GGTA1: variants seen among roughly 807,000 people sequenced by gnomAD.
GGTA1 encodes inactive N-acetyllactosaminide alpha-1,3-galactosyltransferase.
GGTA1 carries 5 observed loss-of-function variants against 2.6 expected under a neutral mutation model. The observed-to-expected ratio is 1.92, with a 90% CI of 1.00 to 4.04. GGTA1 has a LOEUF of 4.04. Ranked by LOEUF, GGTA1 falls within the 30% of genes most tolerant of loss-of-function variation. The pLI, the probability that GGTA1 is intolerant of heterozygous loss-of-function variation, is 0.00. For synonymous variants in GGTA1, 17 were observed against 5.0 expected (o/e 3.38, Z -3.19); for missense variants, 50 against 16.7 (o/e 2.99, Z -3.47).
intron 5 of GGTA1, among the ~76,000 whole-genome samples, chr9:121,456,264 G>C (rs891642723): frequency 6.6e-6 from 1 of 152,202 alleles, no homozygotes; most frequent in African/African-American, 2.4e-5. Context: ...GCAATGGTGT[G>C]ATGCCAGTGT....
intron 4 of GGTA1, among the ~76,000 whole-genome samples, chr9:121,460,838 T>C (rs2064954856): frequency 6.6e-6 from 1 of 151,350 alleles, no homozygotes; most frequent in Non-Finnish European, 1.5e-5. Context: ...AGAGCAAAAC[T>C]GCATCTCAAA....
intron 1 of GGTA1, among the ~76,000 whole-genome samples, chr9:121,488,553 C>A (rs10760177): frequency 0.96 from 145,507 of 152,160 alleles, 69,922 homozygotes; most frequent in Non-Finnish European, 0.99. Flanking sequence ...TGTCTTGGCT[C>A]ATATAAATAC....
At chr9:121,463,167 C>G (rs2064974611) in intron 3 of GGTA1, 126 bp downstream of exon 3, 1 of 421,008 alleles carries the variant, frequency 2.4e-6, no homozygotes, top group Admixed American at 3.3e-5. Context: ...CCCAGGAATC[C>G]ACCCACCCAC....
chr9:121,499,117 T>C (rs1400097662), intron 1 of GGTA1, among the ~76,000 whole-genome samples: 1 of 151,894 alleles, frequency 6.6e-6, no homozygotes, highest in Non-Finnish European at 1.5e-5. Context: ...AGTCCTCGGC[T>C]CTCCGAAGCT....
At chr9:121,453,818 G>A (rs116028108), downstream of GGTA1, among the ~76,000 whole-genome samples, 173 of 152,252 alleles carry the variant, frequency 1.1e-3, no homozygotes, top group African/African-American at 3.9e-3. Context: ...TTCCCACAGC[G>A]AGGCTGATAG....
chr9:121,466,772 G>A (rs2065007655), intron 2 of GGTA1, among the ~76,000 whole-genome samples: 1 of 152,078 alleles, frequency 6.6e-6, no homozygotes, highest in African/African-American at 2.4e-5. Context: ...GGCCAACATG[G>A]TGAAACCCTG....
downstream of GGTA1, among the ~76,000 whole-genome samples, chr9:121,452,701 T>G (rs955480898): frequency 6.6e-6 from 1 of 151,912 alleles, no homozygotes; most frequent in Admixed American, 6.6e-5. Flanking sequence ...GTAATTTTAG[T>G]AGAGATGGGG....
At chr9:121,447,918 C>T (rs2064859675) in intron 7 of GGTA1, among the ~76,000 whole-genome samples, 1 of 152,134 alleles carries the variant, frequency 6.6e-6, no homozygotes, top group Non-Finnish European at 1.5e-5. Flanking sequence ...ACTACCCTAT[C>T]CTTCCTCTCC....
At chr9:121,468,770 G>A (rs1251872447) in intron 1 of GGTA1, among the ~76,000 whole-genome samples, 1 of 152,218 alleles carries the variant, frequency 6.6e-6, no homozygotes, top group Non-Finnish European at 1.5e-5. Flanking sequence ...ATTGGCAAGG[G>A]TGCTAAGGCC....
chr9:121,471,311 C>T (rs1828384395), intron 1 of GGTA1, among the ~76,000 whole-genome samples: 1 of 152,146 alleles, frequency 6.6e-6, no homozygotes. Flanking sequence ...GCTCTGCCTC[C>T]GGTATCAGTT....
In GGTA1 at chr9:121,481,314, T is replaced by C. The variant is rs1184316016; in HGVS notation, c.-9-13383A>G. Among the ~76,000 whole-genome samples, 49 of 152,058 alleles carry C rather than the reference T, an allele frequency of 3.2e-4. 1 individual carries two copies. Among genetic ancestry groups the C allele is most frequent in the Admixed American group, 3.2e-3 (49 of 15,254 alleles). Reference sequence around the variant, plus strand: ...ACAGCTACTCACGTCAAGGAAAATCTCACACACACAGCACTGAGTGAAAGA... The same window carrying C: ...ACAGCTACTCACGTCAAGGAAAATCCCACACACACAGCACTGAGTGAAAGA... On this transcript the variant is annotated intron_variant, in intron 1 of 5. Coordinates refer to ENST00000481799, the MANE Select transcript of GGTA1 (RefSeq NM_001382585.1).
At chr9:121,456,423 TC>T (rs2064911755) in intron 5 of GGTA1, among the ~76,000 whole-genome samples, 1 of 152,038 alleles carries the variant, frequency 6.6e-6, no homozygotes, top group African/African-American at 2.4e-5. Context: ...GAGTTAAAAT[TC>T]TTTTTTTTTT....
chr9:121,499,144 T>C lies in GGTA1; in HGVS notation c.-10+506A>G, dbSNP rs570451057. On this transcript the variant is annotated intron_variant, in intron 1 of 5. Transcript: ENST00000481799. ...TCCGAAGCTCTCTGACATCTCCCTC[T>C]CTATTCCCTTCCTCCTTGGGGTTCC... is the stretch of plus-strand genomic sequence containing the variant. Among the ~76,000 whole-genome samples, 113 of 152,018 alleles carry C rather than the reference T, an allele frequency of 7.4e-4. 1 individual carries two copies. Among genetic ancestry groups the C allele is most frequent in the African/African-American group, 2.6e-3 (106 of 41,470 alleles).
intron 1 of GGTA1, among the ~76,000 whole-genome samples, chr9:121,473,772 C>T (rs1404468538): frequency 6.6e-6 from 1 of 152,084 alleles, no homozygotes; most frequent in African/African-American, 2.4e-5. Flanking sequence ...CAAAAAGTAG[C>T]TGGGTGTGAT....
intron 1 of GGTA1, among the ~76,000 whole-genome samples, chr9:121,475,285 C>T (rs993278573): frequency 6.6e-6 from 1 of 152,134 alleles, no homozygotes; most frequent in Non-Finnish European, 1.5e-5. Context: ...GGAAGTTACC[C>T]TATATGGTCT....
chr9:121,482,391 C>T (rs1388589601), intron 1 of GGTA1, among the ~76,000 whole-genome samples: 1 of 152,058 alleles, frequency 6.6e-6, no homozygotes, highest in Non-Finnish European at 1.5e-5. Context: ...CACTTGAGAC[C>T]AGGAGGCGGA....
chr9:121,499,035 G>T (rs79173809), intron 1 of GGTA1, among the ~76,000 whole-genome samples: 6,990 of 151,856 alleles, frequency 0.046, 226 homozygotes, highest in Non-Finnish European at 0.065. Context: ...GCCTCCCATC[G>T]CCCCAGTGCT....
chr9:121,457,617 C>T (rs2064922866), intron 5 of GGTA1, among the ~76,000 whole-genome samples: 1 of 150,170 alleles, frequency 6.7e-6, no homozygotes, highest in Non-Finnish European at 1.5e-5. Context: ...AGGAGAATGG[C>T]ATGAACCCGG....
At chr9:121,479,065 C>T (rs138510278) in intron 1 of GGTA1, 54 of 456,556 alleles carry the variant, frequency 1.2e-4, no homozygotes, top group South Asian at 7.9e-4. Flanking sequence ...GCTGAACTTA[C>T]AGTGAAGTCC....
Sources: gnomAD v4.1 joint callset for allele counts (sites outside exome capture counted in the v4.1 genomes callset) on GRCh38, gnomAD v4.1.1 for gene constraint, MANE v1.5 for transcripts, NCBI Gene and HGNC (gene_info 2026-07-23, HGNC 2026-07-21) for gene names.